FHIP1A: variants seen among roughly 807,000 people sequenced by gnomAD.
FHIP1A encodes FHF complex subunit HOOK interacting protein 1A, also known as FHF complex subunit HOOK-interacting protein 1A.
A neutral mutation model predicts 88.6 loss-of-function variants in FHIP1A; 61 were observed. The ratio of observed to expected loss-of-function variants is 0.69; its 90% CI spans 0.56 to 0.85. The LOEUF is 0.85. Ranked by LOEUF, FHIP1A falls within the 40% of genes least tolerant of loss-of-function variation. FHIP1A has a pLI of 0.00. For synonymous variants in FHIP1A, 478 were observed against 496.0 expected (o/e 0.96, Z 0.48); for missense variants, 1,154 against 1,273.5 (o/e 0.91, Z 1.43).
At chr4:151,500,876 A>G (rs1730626247) in intron 3 of FHIP1A, among the ~76,000 whole-genome samples, 1 of 152,230 alleles carries the variant, frequency 6.6e-6, no homozygotes, top group Non-Finnish European at 1.5e-5. Context: ...GTTACTCACC[A>G]CGGACACACC....
At chr4:151,444,501 C>G (rs1418498171) in intron 1 of FHIP1A, among the ~76,000 whole-genome samples, 1 of 152,140 alleles carries the variant, frequency 6.6e-6, no homozygotes, top group Non-Finnish European at 1.5e-5. Context: ...GTCCTCCCTT[C>G]ATTGTATCCC....
At chr4:151,526,928 C>T (rs1259907766) in intron 3 of FHIP1A, among the ~76,000 whole-genome samples, 8 of 150,776 alleles carry the variant, frequency 5.3e-5, no homozygotes, top group Non-Finnish European at 8.9e-5. Flanking sequence ...AGACAATGGG[C>T]GGCCGGGCAG....
At chr4:151,620,771 A>G (rs1321886472) in intron 7 of FHIP1A, among the ~76,000 whole-genome samples, 2 of 148,542 alleles carry the variant, frequency 1.3e-5, no homozygotes, top group Non-Finnish European at 3.0e-5. Context: ...TTTTTTTTTT[A>G]ACTTCAACAA....
rs1327931101 is a variant in FHIP1A at position 151,649,616 on chromosome 4, T to C, written c.1575T>C (p.Tyr525=). ...ACTGCCGTGTCTGGTCCGCCCTGTA[T>C]GATGGCGACTCCCCCGACCCTGAGA... ...MRDCRVWSAL[Y]DGDSPDPEMF... The change falls in exon 11 of 14, where the codon TAT becomes TAC. Residue 525 remains tyrosine, a synonymous_variant. Transcript: ENST00000435205. The C allele has an allele frequency of 7.2e-5, 112 of 1,551,586 alleles. No individual in the cohort carries two copies. Among genetic ancestry groups the C allele is most frequent in the Non-Finnish European group, 9.4e-5 (108 of 1,146,982 alleles).
chr4:151,661,409 T>G (rs1291726098), intron 13 of FHIP1A, among the ~76,000 whole-genome samples: 1 of 85,920 alleles, frequency 1.2e-5, no homozygotes, highest in African/African-American at 6.6e-5. Context: ...GTGGAAGTTG[T>G]TTTTTTTTTT....
intron 5 of FHIP1A, among the ~76,000 whole-genome samples, chr4:151,579,888 G>C (rs1460280090): frequency 1.3e-5 from 2 of 152,026 alleles, no homozygotes; most frequent in African/African-American, 4.8e-5. Flanking sequence ...CCATCCTTTG[G>C]TATTTTATGC....
chr4:151,454,784 G>T lies in FHIP1A; in HGVS notation c.-272G>T, dbSNP rs1728912548. 6.6e-6 allele frequency: 1 copy of T among 152,092 alleles called. No individual in the cohort carries two copies. Among genetic ancestry groups the T allele is most frequent in the Non-Finnish European group, 1.5e-5 (1 of 68,020 alleles). 9.4% of individuals were successfully genotyped at this position (152,092 alleles called of 1,614,324 possible). ...ATGAATGTTTCGTTATAACTGCCTG[G>T]AAGGTTAGCGTCAAAGAAGTTGAGG... On this transcript the variant is annotated 5_prime_UTR_variant, in exon 2 of 14. It introduces an in-frame stop codon into an upstream open reading frame of the 5' UTR. Transcript: ENST00000435205.
intron 1 of FHIP1A, among the ~76,000 whole-genome samples, chr4:151,414,311 C>A (rs1217539052): frequency 6.6e-6 from 1 of 152,138 alleles, no homozygotes; most frequent in Non-Finnish European, 1.5e-5. Flanking sequence ...CCTCGGCCTC[C>A]CAAAGGGCTG....
intron 3 of FHIP1A, among the ~76,000 whole-genome samples, chr4:151,553,622 A>G (rs980343416): frequency 6.6e-6 from 1 of 152,210 alleles, no homozygotes; most frequent in Non-Finnish European, 1.5e-5. Context: ...AACCAGGGAA[A>G]TGGAATATCT....
intron 7 of FHIP1A, among the ~76,000 whole-genome samples, chr4:151,626,525 T>C (rs545371413): frequency 6.6e-6 from 1 of 152,316 alleles, no homozygotes; most frequent in East Asian, 1.9e-4. Context: ...TAATTACTCA[T>C]TTGTGGACAC....
chr4:151,620,701 T>C (rs1389058059), intron 7 of FHIP1A, among the ~76,000 whole-genome samples: 1 of 152,074 alleles, frequency 6.6e-6, no homozygotes, highest in African/African-American at 2.4e-5. Flanking sequence ...GAAAGGAAAT[T>C]AGCATTATAA....
intron 2 of FHIP1A, among the ~76,000 whole-genome samples, chr4:151,476,836 C>T (rs1486190021): frequency 1.3e-5 from 2 of 152,016 alleles, no homozygotes; most frequent in African/African-American, 2.4e-5. Context: ...TCATAACTTC[C>T]ATATATGCTA....
Position 151,650,389 on chromosome 4 carries a change from C to G in FHIP1A, c.2348C>G (p.Thr783Ser). The change falls in exon 11 of 14, where the codon ACT becomes AGT. Residue 783 changes from threonine to serine, a missense_variant. Physicochemically the swap from Thr to Ser is moderately conservative, Grantham distance 58. Transcript: ENST00000435205. Reference sequence around the variant, plus strand: ...CCCACACCTGATCCCTTGCTTCTCACTAAGGAGGAAGAAGGGAAGGAAGAG... The same window carrying G: ...CCCACACCTGATCCCTTGCTTCTCAGTAAGGAGGAAGAAGGGAAGGAAGAG... ...NYPTPDPLLL[T>S]KEEEGKEESK... 1.3e-6 allele frequency: 2 copies of G among 1,551,538 alleles called. No homozygotes were observed. The highest frequency in any genetic ancestry group is 1.7e-6 in the Non-Finnish European group (2 of 1,146,958).
chr4:151,559,041 G>T lies in FHIP1A; in HGVS notation c.-122-7097G>T, dbSNP rs1038102869. The stretch of plus-strand genomic sequence containing the variant: ...CATTGGAAGTTAACAACTCTTCTAG[G>T]TACAGATGCAGTTGGTTTTCCTTTA... On this transcript the variant is annotated intron_variant, in intron 3 of 13. Coordinates refer to ENST00000435205, the MANE Select transcript of FHIP1A (RefSeq NM_001109977.3). Among the ~76,000 whole-genome samples the T allele has an allele frequency of 3.9e-5, 6 of 152,048 alleles. 1 individual carries two copies. Among genetic ancestry groups the T allele is most frequent in the Admixed American group, 2.0e-4 (3 of 15,270 alleles).
intron 2 of FHIP1A, among the ~76,000 whole-genome samples, chr4:151,456,263 T>A (rs1728965385): frequency 6.6e-6 from 1 of 152,194 alleles, no homozygotes; most frequent in Non-Finnish European, 1.5e-5. Context: ...AACATCAGCT[T>A]TCAGTACTCT....
chr4:151,667,566 T>A lies in FHIP1A; in HGVS notation c.*4812T>A, dbSNP rs1166667124. On this transcript the variant is annotated 3_prime_UTR_variant, in exon 14 of 14. Coordinates refer to ENST00000435205, the MANE Select transcript of FHIP1A (RefSeq NM_001109977.3). ...TTATCCTGGCAGCTCAATAACTGGA[T>A]AAACAGGACTTTAGTGAAAGATTTT... is the stretch of plus-strand genomic sequence containing the variant. Among the ~76,000 whole-genome samples, 1 of 152,192 alleles carries A rather than the reference T, an allele frequency of 6.6e-6. No individual in the cohort carries two copies. Among genetic ancestry groups the A allele is most frequent in the African/African-American group, 2.4e-5 (1 of 41,446 alleles).
chr4:151,458,411 G>A (rs1222065002), intron 2 of FHIP1A, among the ~76,000 whole-genome samples: 1 of 152,124 alleles, frequency 6.6e-6, no homozygotes, highest in Non-Finnish European at 1.5e-5. Flanking sequence ...GGTGTGAACA[G>A]GCTCTAGGAA....
In FHIP1A at chr4:151,411,347, A is replaced by ATTTTTT. The variant is rs33972159; in HGVS notation, c.-356+1883_-356+1884insTTTTTT. Among the ~76,000 whole-genome samples the ATTTTTT allele has an allele frequency of 7.5e-4, 99 of 132,198 alleles. 1 individual carries two copies. Among genetic ancestry groups the ATTTTTT allele is most frequent in the African/African-American group, 1.8e-3 (59 of 33,640 alleles). 86.7% of individuals were successfully genotyped at this position (132,198 alleles called of 152,430 possible). A position where few individuals can be genotyped will look rare whatever the true frequency, so the allele number is the denominator to read the frequency against. On this transcript the variant is annotated intron_variant, in intron 1 of 13. Transcript: ENST00000435205. ...GCCTCTGAGGAGTGAAATTATATAT[A>ATTTTTT]TATTTTTTTTTTTTTAAAGTTAGGG...
chr4:151,480,275 A>G (rs574548980), intron 2 of FHIP1A, among the ~76,000 whole-genome samples: 1 of 152,190 alleles, frequency 6.6e-6, no homozygotes, highest in Non-Finnish European at 1.5e-5. Flanking sequence ...AAAGCCCTTA[A>G]CTGATACCCA....
Sources: gnomAD v4.1 joint callset for allele counts (sites outside exome capture counted in the v4.1 genomes callset) on GRCh38, gnomAD v4.1.1 for gene constraint, MANE v1.5 for transcripts, NCBI Gene and HGNC (gene_info 2026-07-23, HGNC 2026-07-21) for gene names.